RLF: variants seen among roughly 807,000 people sequenced by gnomAD.
RLF encodes the protein zinc finger protein Rlf.
RLF carries 7 observed loss-of-function variants against 162.9 expected under a neutral mutation model. The ratio of observed to expected loss-of-function variants is 0.04; its 90% CI spans 0.02 to 0.08. RLF has a LOEUF of 0.08. Among genes scored for constraint, RLF ranks in the 10% least tolerant of loss-of-function variants. The pLI is 1.00. For synonymous variants in RLF, 782 were observed against 791.5 expected (o/e 0.99, Z 0.20); for missense variants, 1,664 against 2,244.7 (o/e 0.74, Z 5.23).
At chr1:40,232,814 C>A (rs1027432506) in intron 7 of RLF, among the ~76,000 whole-genome samples, 1 of 152,164 alleles carries the variant, frequency 6.6e-6, no homozygotes, top group Non-Finnish European at 1.5e-5. Context: ...AAGCAATCCT[C>A]CCGTCTCAGC....
intron 1 of RLF, among the ~76,000 whole-genome samples, chr1:40,184,617 G>C (rs1010977139): frequency 2.0e-5 from 3 of 152,176 alleles, no homozygotes; most frequent in African/African-American, 7.2e-5. Context: ...GAGGTATATA[G>C]CAAGGACTTG....
chr1:40,219,204 GTTAT>G (rs1642961771), intron 5 of RLF, among the ~76,000 whole-genome samples: 2 of 152,014 alleles, frequency 1.3e-5, no homozygotes, highest in Non-Finnish European at 2.9e-5. Context: ...AATTTTTTAA[GTTAT>G]TTATTTACTT....
chr1:40,184,497 G>A (rs1359418750), intron 1 of RLF, among the ~76,000 whole-genome samples: 1 of 152,220 alleles, frequency 6.6e-6, no homozygotes, highest in Non-Finnish European at 1.5e-5. Context: ...AAAGGAGGCA[G>A]ATGGAACATA....
At chr1:40,203,275 TG>T (rs1450823426) in intron 5 of RLF, among the ~76,000 whole-genome samples, 1 of 151,956 alleles carries the variant, frequency 6.6e-6, no homozygotes, top group Admixed American at 6.6e-5. Flanking sequence ...CCACCATGCC[TG>T]GCTACTTTTT....
rs16827079 is a variant in RLF, at chr1:40,239,121, T to C, written c.4419T>C (p.Tyr1473=). 20,827 of 1,614,026 alleles carry C rather than the reference T, an allele frequency of 0.013. 1,327 individuals carry two copies. The African/African-American group carries it at 0.18, about 14-fold the overall frequency. Residue 1473 remains tyrosine (Y), a synonymous_variant, in exon 8 of 8, where the codon TAT becomes TAC. Transcript: ENST00000372771. ...TATATTACCGACATAAAGACTATTA[T>C]GATGATTTGTTTAGAAGCCAGAAAG... is the stretch of plus-strand genomic sequence containing the variant. ...QHVYYRHKDY[Y]DDLFRSQKVA...
rs189454742 is a variant in RLF, at chr1:40,162,359, C to T, written c.237+723C>T. ...TTTCTGTGCCTTGGTGGGTCCTAACCTATGATTACATATTTATGGGTGTGT... is the reference window on the plus strand; with the variant it reads ...TTTCTGTGCCTTGGTGGGTCCTAACTTATGATTACATATTTATGGGTGTGT... On this transcript the variant is annotated intron_variant, in intron 1 of 7. Coordinates refer to ENST00000372771, the MANE Select transcript of RLF (RefSeq NM_012421.4). Among the ~76,000 whole-genome samples, 636 of 152,084 alleles carry T rather than the reference C, an allele frequency of 4.2e-3. 7 individuals are homozygous for T. Among genetic ancestry groups the T allele is most frequent in the African/African-American group, 0.015 (620 of 41,496 alleles).
chr1:40,206,084 C>G (rs977761409), intron 5 of RLF, among the ~76,000 whole-genome samples: 1 of 152,166 alleles, frequency 6.6e-6, no homozygotes, highest in Non-Finnish European at 1.5e-5. Flanking sequence ...AACTCCAGAC[C>G]CATATCCAAT....
chr1:40,230,745 G>A (rs1643142596), intron 6 of RLF, among the ~76,000 whole-genome samples: 1 of 152,022 alleles, frequency 6.6e-6, no homozygotes, highest in Non-Finnish European at 1.5e-5. Context: ...CCTCTTTTTA[G>A]TTTTGCTATT....
intron 5 of RLF, among the ~76,000 whole-genome samples, chr1:40,208,370 A>G (rs541158081): frequency 5.9e-5 from 9 of 152,354 alleles, no homozygotes; most frequent in Non-Finnish European, 8.8e-5. Context: ...TGATAAAGAA[A>G]TCAAAGGATA....
rs1349390393 is a variant in RLF, at chr1:40,186,021, G to T, written c.238-3034G>T. On this transcript the variant is annotated intron_variant, in intron 1 of 7. Transcript: ENST00000372771. Reference sequence around the variant, plus strand: ...AAAACAGGAAAATTAACCGAGCCTGGTGGCGCACAGTTGTAATCCCAGCTA... The same window carrying T: ...AAAACAGGAAAATTAACCGAGCCTGTTGGCGCACAGTTGTAATCCCAGCTA... Among the ~76,000 whole-genome samples the T allele has an allele frequency of 3.9e-5, 6 of 152,134 alleles. No individual in the cohort carries two copies. In the East Asian group the frequency reaches 1.2e-3, roughly 29 times the overall value.
chr1:40,201,809 T>C lies in RLF; in HGVS notation c.608-603T>C, dbSNP rs375608107. 8.5e-5 allele frequency among the ~76,000 whole-genome samples: 13 copies of C among 152,278 alleles called. 1 individual carries two copies. The highest frequency in any genetic ancestry group is 3.9e-4 in the East Asian group (2 of 5,184). On this transcript the variant is annotated intron_variant, in intron 4 of 7. Transcript: ENST00000372771. The stretch of plus-strand genomic sequence containing the variant: ...ATGTTTTACAGGTTACTAATATGTA[T>C]AAAAGGGTTCTCTGGTCAAATCAGT...
intron 4 of RLF, among the ~76,000 whole-genome samples, chr1:40,199,893 G>A (rs1642688417): frequency 6.6e-6 from 1 of 152,168 alleles, no homozygotes; most frequent in Admixed American, 6.5e-5. Flanking sequence ...TTTCCTTGAG[G>A]AAAGGAAGTA....
chr1:40,163,814 G>A (rs1039383898), intron 1 of RLF, among the ~76,000 whole-genome samples: 3 of 152,080 alleles, frequency 2.0e-5, no homozygotes, highest in African/African-American at 7.2e-5. Flanking sequence ...TCCTTATAAT[G>A]CTTTATACAA....
chr1:40,193,127 C>CAAAAA (rs76035508), intron 3 of RLF, among the ~76,000 whole-genome samples: 3 of 65,156 alleles, frequency 4.6e-5, no homozygotes, highest in African/African-American at 9.6e-5. Flanking sequence ...GTGGTCTTAG[C>CAAAAA]AAAAAAAAAA....
chr1:40,184,755 G>A (rs546232409), intron 1 of RLF, among the ~76,000 whole-genome samples: 2 of 152,182 alleles, frequency 1.3e-5, no homozygotes, highest in Admixed American at 1.3e-4. Flanking sequence ...AGCCTTTCAA[G>A]GGCAGGAATA....
At chr1:40,193,372 T>C (rs1230001046) in intron 3 of RLF, among the ~76,000 whole-genome samples, 1 of 152,190 alleles carries the variant, frequency 6.6e-6, no homozygotes, top group Non-Finnish European at 1.5e-5. Context: ...TAAACTGTAT[T>C]TTGAACTTTA....
chr1:40,206,528 G>A (rs1043660080), intron 5 of RLF, among the ~76,000 whole-genome samples: 2 of 152,154 alleles, frequency 1.3e-5, no homozygotes, highest in Admixed American at 6.5e-5. Flanking sequence ...TTTACTGTTG[G>A]CCTCTACATT....
intron 5 of RLF, among the ~76,000 whole-genome samples, chr1:40,204,355 T>A (rs766217884): frequency 2.0e-5 from 3 of 151,748 alleles, no homozygotes; most frequent in African/African-American, 7.3e-5. Context: ...ACTACCAGTA[T>A]CCTGATTATC....
At chr1:40,213,455 C>T (rs756717605) in intron 5 of RLF, among the ~76,000 whole-genome samples, 6 of 152,082 alleles carry the variant, frequency 3.9e-5, no homozygotes, top group Admixed American at 1.3e-4. Context: ...ATACAAGGTC[C>T]GTGCAGCATC....
Sources: allele counts gnomAD v4.1 joint callset (sites outside exome capture counted in the v4.1 genomes callset), GRCh38; gene constraint gnomAD v4.1.1; transcripts MANE v1.5; gene names NCBI Gene and HGNC (gene_info 2026-07-23, HGNC 2026-07-21).